The following DESI1 variants were observed in gnomAD, a reference collection of about 807,000 sequenced individuals.
DESI1 encodes the protein PPPDE peptidase domain containing 2.
DESI1 carries 17 observed loss-of-function variants against 22.4 expected under a neutral mutation model. That is an observed-to-expected ratio of 0.76 (90% confidence interval 0.52 to 1.14). The LOEUF (loss-of-function observed/expected upper bound fraction) is 1.14, where lower values mean the gene tolerates loss of function less well. Among genes scored for constraint, DESI1 ranks in the 50% most tolerant of loss-of-function variants. DESI1 has a pLI of 0.00. For synonymous variants in DESI1, 92 were observed against 84.2 expected, an observed-to-expected ratio of 1.09 and a Z score of -0.51; for missense variants, 177 against 208.9, an observed-to-expected ratio of 0.85 and a Z score of 0.94.
At chr22:41,613,376 A>G (rs1259117770) in intron 1 of DESI1, among the ~76,000 whole-genome samples, 3 of 152,246 alleles carry the variant, frequency 2.0e-5, no homozygotes, top group Non-Finnish European at 4.4e-5. Context: ...ATGCCCAATA[A>G]AGGCTAACTC....
intron 1 of DESI1, 132 bp downstream of exon 1, chr22:41,620,620 A>T: frequency 1.2e-6 from 1 of 856,062 alleles, no homozygotes; most frequent in Non-Finnish European, 1.8e-6. Flanking sequence ...TCTCTTCTCC[A>T]CTCGGCTTTT....
intron 1 of DESI1, among the ~76,000 whole-genome samples, chr22:41,615,272 T>TAAAAAA (rs58574960): frequency 1.2e-4 from 13 of 108,454 alleles, no homozygotes; most frequent in Middle Eastern, 5.4e-3. Flanking sequence ...TACTAAAAAT[T>TAAAAAA]AAAAAAAAAA....
chr22:41,618,337 T>A (rs2067562058), intron 1 of DESI1, among the ~76,000 whole-genome samples: 1 of 146,050 alleles, frequency 6.8e-6, no homozygotes, highest in Non-Finnish European at 1.5e-5. Context: ...CACTCCAGCC[T>A]GGGCAACAGA....
At chr22:41,615,167 A>C (rs1461054204) in intron 1 of DESI1, among the ~76,000 whole-genome samples, 2 of 146,334 alleles carry the variant, frequency 1.4e-5, no homozygotes, top group Non-Finnish European at 1.5e-5. Flanking sequence ...CGGTGGCTCA[A>C]GCCTGTAATC....
chr22:41,601,118 G>T lies in DESI1; in HGVS notation c.486C>A (p.Gly162=). 1 of 1,613,402 alleles carries T rather than the reference G, an allele frequency of 6.2e-7. No individual in the cohort carries two copies. Among genetic ancestry groups the T allele is most frequent in the Non-Finnish European group, 8.5e-7 (1 of 1,179,812 alleles). The stretch of plus-strand genomic sequence containing the variant: ...CCTGTTAGCTCTGGCCGTTGGGTCT[G>T]CCCACGGAGCTCCCTCCTGGAGGCT... The part of the protein sequence containing the change: ...QIQPPGGSSV[G]RPNGQS Residue 162 remains glycine (G), a synonymous_variant, in exon 6 of 6, where the codon GGC becomes GGA. Transcript: ENST00000263256.
chr22:41,613,512 T>C (rs116585115), intron 1 of DESI1, among the ~76,000 whole-genome samples: 168 of 152,350 alleles, frequency 1.1e-3, no homozygotes, highest in African/African-American at 4.0e-3. Context: ...GACAGTTTCT[T>C]ATGTATCTTT....
chr22:41,613,924 C>T (rs2067533192), intron 1 of DESI1, among the ~76,000 whole-genome samples: 1 of 152,172 alleles, frequency 6.6e-6, no homozygotes, highest in Non-Finnish European at 1.5e-5. Context: ...CTGAATTTGC[C>T]TGTAAGCTAC....
rs2067590868 is a variant in DESI1 at position 41,620,937 on chromosome 22, G to T, written c.-98C>A. 4 of 1,409,918 alleles carry T rather than the reference G, an allele frequency of 2.8e-6. No homozygotes were observed. Among genetic ancestry groups the T allele is most frequent in the Non-Finnish European group, 1.9e-6 (2 of 1,030,964 alleles). 87.3% of individuals were successfully genotyped at this position (1,409,918 alleles called of 1,614,324 possible). On this transcript the variant is annotated 5_prime_UTR_variant, in exon 1 of 6. Coordinates refer to ENST00000263256, the MANE Select transcript of DESI1 (RefSeq NM_015704.3). ...CGGGAGTGCGAAGCGGAGGGAGAGGGGGGGACCGAGCCCGGGCCCGGGCTG... is the reference window on the plus strand; with the variant it reads ...CGGGAGTGCGAAGCGGAGGGAGAGGTGGGGACCGAGCCCGGGCCCGGGCTG...
intron 1 of DESI1, among the ~76,000 whole-genome samples, chr22:41,611,299 A>C (rs906406885): frequency 6.6e-6 from 1 of 152,020 alleles, no homozygotes; most frequent in Non-Finnish European, 1.5e-5. Context: ...TGCCCAGCTA[A>C]TTTCTGTATT....
At chr22:41,607,630 C>T (rs1048998749) in intron 2 of DESI1, among the ~76,000 whole-genome samples, 3 of 152,218 alleles carry the variant, frequency 2.0e-5, no homozygotes, top group Non-Finnish European at 2.9e-5. Context: ...ATCCTCCTCC[C>T]TGTATGACAA....
chr22:41,620,969 G>T lies in DESI1; in HGVS notation c.-130C>A, dbSNP rs1022118107. On this transcript the variant is annotated 5_prime_UTR_variant, in exon 1 of 6. Transcript: ENST00000263256. ...CGAGCCCGGGCCCGGGCTGAGGGGT[G>T]GGGGAGAGGCCGCCCTGCGCTGCTC... The T allele has an allele frequency of 8.2e-6, 8 of 970,864 alleles. No homozygotes were observed. The highest frequency in any genetic ancestry group is 1.1e-5 in the Non-Finnish European group (7 of 654,518). 60.1% of individuals were successfully genotyped at this position (970,864 alleles called of 1,614,324 possible). A position where few individuals can be genotyped will look rare whatever the true frequency, so the allele number is the denominator to read the frequency against.
chr22:41,611,321 T>C (rs1402794091), intron 1 of DESI1, among the ~76,000 whole-genome samples: 4 of 152,094 alleles, frequency 2.6e-5, no homozygotes, highest in African/African-American at 9.7e-5. Context: ...TTAGTAGAGA[T>C]TGGGTTTCAC....
chr22:41,603,366 G>C lies in DESI1; in HGVS notation c.306C>G (p.Asn102Lys). The stretch of plus-strand genomic sequence containing the variant: ...AGGTGTTACAATTGTGTTCAAAGAG[G>C]TTGTAGGCCTCACCTCTGTACATTG... ...GESLFRGEAY[N>K]LFEHNCNTFS... Residue 102 changes from asparagine (N) to lysine (K), a missense_variant, in exon 5 of 6, where the codon AAC (asparagine) becomes AAG (lysine). Physicochemically the swap from Asn to Lys is moderately conservative, Grantham distance 94 (BLOSUM62 0). Transcript: ENST00000263256. 1 of 1,614,252 alleles carries C rather than the reference G, an allele frequency of 6.2e-7. No individual in the cohort carries two copies. Among genetic ancestry groups the C allele is most frequent in the Non-Finnish European group, 8.5e-7 (1 of 1,180,058 alleles).
chr22:41,598,767 G>A lies in DESI1; in HGVS notation c.*2330C>T, dbSNP rs1328489699. 6.6e-6 allele frequency: 1 copy of A among 152,392 alleles called. No homozygotes were observed. Among genetic ancestry groups the A allele is most frequent in the Admixed American group, 6.5e-5 (1 of 15,278 alleles). The allele number at this position is 152,392 out of a possible 1,614,324, so 9.4% of individuals were successfully genotyped here. A position where few individuals can be genotyped will look rare whatever the true frequency, so the allele number is the denominator to read the frequency against. On this transcript the variant is annotated 3_prime_UTR_variant, in exon 6 of 6. Transcript: ENST00000263256. ...AGCTGGAAAAGGGAACAACACTGGT[G>A]GGAAACAGAGCACTGGCCAAGACCA... is the stretch of plus-strand genomic sequence containing the variant.
intron 4 of DESI1, 128 bp from the exon 5 acceptor site, chr22:41,603,509 C>G: frequency 1.4e-6 from 2 of 1,432,222 alleles, no homozygotes; most frequent in Non-Finnish European, 1.9e-6. Flanking sequence ...CCGTCTCATA[C>G]ACCAGAAAAG....
chr22:41,601,057 GA>G lies in DESI1; in HGVS notation c.*39del. The G allele has an allele frequency of 6.4e-7, 1 of 1,560,964 alleles. No individual in the cohort carries two copies. Among genetic ancestry groups the G allele is most frequent in the South Asian group, 1.1e-5 (1 of 88,206 alleles). On this transcript the variant is annotated 3_prime_UTR_variant, in exon 6 of 6. Transcript: ENST00000263256. The stretch of plus-strand genomic sequence containing the variant: ...GGTAGGGTTTGTTTTGTTTAAAAAG[GA>G]AAAGCCCTGGTGAGGCAGGGCGGTC...
At chr22:41,607,725 A>T (rs1011161173) in intron 2 of DESI1, 115 bp downstream of exon 2, 3 of 1,246,608 alleles carry the variant, frequency 2.4e-6, no homozygotes, top group Admixed American at 3.6e-5. Flanking sequence ...GGGCTTGAAG[A>T]TTTATAGCAT....
chr22:41,612,146 CAATAAT>C (rs1297771523), intron 1 of DESI1, among the ~76,000 whole-genome samples: 1 of 151,832 alleles, frequency 6.6e-6, no homozygotes, highest in Non-Finnish European at 1.5e-5. Flanking sequence ...AGGGGACAGT[CAATAAT>C]AATAATGATG....
chr22:41,604,037 C>T lies in DESI1; in HGVS notation c.290+7G>A, dbSNP rs760351040. On this transcript the variant is annotated splice_region_variant and intron_variant, in intron 4 of 5. Transcript: ENST00000263256. ...CACAACTAACCACCACCCCTGTCTCCACTCACCGGAACAGGGACTCCCCCA... is the reference window on the plus strand; with the variant it reads ...CACAACTAACCACCACCCCTGTCTCTACTCACCGGAACAGGGACTCCCCCA... The T allele has an allele frequency of 1.2e-6, 2 of 1,610,274 alleles. No individual in the cohort carries two copies. Among genetic ancestry groups the T allele is most frequent in the South Asian group, 2.2e-5 (2 of 90,860 alleles).
Sources: gnomAD v4.1 joint callset for allele counts (sites outside exome capture counted in the v4.1 genomes callset) on GRCh38, gnomAD v4.1.1 for gene constraint, MANE v1.5 for transcripts, NCBI Gene and HGNC (gene_info 2026-07-23, HGNC 2026-07-21) for gene names.